The following ORC3 variants were observed in gnomAD, a reference collection of about 807,000 sequenced individuals.
The protein encoded by ORC3 is homolog of latheo, Drosophila.
A neutral mutation model predicts 100.7 loss-of-function variants in ORC3; 78 were observed. The ratio of observed to expected loss-of-function variants is 0.77; its 90% CI spans 0.65 to 0.94. The LOEUF is 0.94. Among genes scored for constraint, ORC3 ranks in the 40% least tolerant of loss-of-function variants. The probability of loss-of-function intolerance (pLI) is 0.00; values close to 1 mark genes in which losing one functional copy is unlikely to be tolerated. For synonymous variants in ORC3, 295 were observed against 289.3 expected (o/e 1.02, Z -0.20); for missense variants, 789 against 823.9 (o/e 0.96, Z 0.52).
At chr6:87,668,972 G>C (rs1770773788), downstream of ORC3, among the ~76,000 whole-genome samples, 1 of 151,826 alleles carries the variant, frequency 6.6e-6, no homozygotes, top group Non-Finnish European at 1.5e-5. Context: ...GACAGAGCGA[G>C]ACTCTGTATC....
chr6:87,621,906 T>C, intron 10 of ORC3, 44 bp from the exon 11 acceptor site: 1 of 1,314,208 alleles, frequency 7.6e-7, no homozygotes. Flanking sequence ...ATATGTTGAA[T>C]GTTTAATTTT....
intron 7 of ORC3, among the ~76,000 whole-genome samples, chr6:87,611,798 A>G (rs1443676507): frequency 6.6e-6 from 1 of 152,038 alleles, no homozygotes; most frequent in Non-Finnish European, 1.5e-5. Context: ...AAAAAAGAAA[A>G]AAGATGGTAT....
At chr6:87,646,132 G>A (rs921662915) in intron 13 of ORC3, among the ~76,000 whole-genome samples, 2 of 151,468 alleles carry the variant, frequency 1.3e-5, no homozygotes, top group Admixed American at 6.6e-5. Flanking sequence ...GACTACAGGC[G>A]CCTGCCACCA....
chr6:87,617,050 G>T (rs1419471032), intron 9 of ORC3, among the ~76,000 whole-genome samples: 3 of 152,204 alleles, frequency 2.0e-5, no homozygotes, highest in Non-Finnish European at 4.4e-5. Context: ...CACCCACCTT[G>T]GTTCCCAGAG....
chr6:87,633,318 C>A (rs1767571360), intron 11 of ORC3, among the ~76,000 whole-genome samples: 1 of 152,132 alleles, frequency 6.6e-6, no homozygotes, highest in African/African-American at 2.4e-5. Context: ...AAGAACTAAG[C>A]TAAAGTTTAG....
chr6:87,671,638 G>A (rs1259167970), downstream of ORC3, among the ~76,000 whole-genome samples: 1 of 152,142 alleles, frequency 6.6e-6, no homozygotes, highest in Non-Finnish European at 1.5e-5. Flanking sequence ...TGGGCCAACA[G>A]CAAGACAGAG....
At chr6:87,601,671 CAAAAAA>C in intron 2 of ORC3, 107 bp from the exon 3 acceptor site, 1 of 513,588 alleles carries the variant, frequency 1.9e-6, no homozygotes. Flanking sequence ...GACTCCATAT[CAAAAAA>C]AAAAAAAATT....
At chr6:87,649,716 A>G (rs1321517050) in intron 13 of ORC3, among the ~76,000 whole-genome samples, 1 of 152,216 alleles carries the variant, frequency 6.6e-6, no homozygotes, top group African/African-American at 2.4e-5. Context: ...ATTGCACTCC[A>G]GCCTGGGCAA....
intron 13 of ORC3, among the ~76,000 whole-genome samples, chr6:87,640,835 C>T (rs759513517): frequency 6.6e-6 from 1 of 152,126 alleles, no homozygotes. Context: ...TGTGGTGGCT[C>T]ATGCCTGTAA....
At chr6:87,665,594 A>C (rs1770532875) in intron 18 of ORC3, among the ~76,000 whole-genome samples, 160 bp from the exon 19 acceptor site, 1 of 152,230 alleles carries the variant, frequency 6.6e-6, no homozygotes. Flanking sequence ...CTTTTAATAT[A>C]TAAGTGGTTT....
chr6:87,625,999 T>C lies in ORC3; in HGVS notation c.1185+3986T>C, dbSNP rs1411815535. ...TTGTCAAAGATCAGATGGTTGTAGA[T>C]GTGTGGTGTTATTTCTGAGGCCTCT... is the stretch of plus-strand genomic sequence containing the variant. On this transcript the variant is annotated intron_variant, in intron 11 of 19. Coordinates refer to ENST00000392844, the MANE Select transcript of ORC3 (RefSeq NM_012381.4). Among the ~76,000 whole-genome samples the C allele has an allele frequency of 5.3e-5, 8 of 152,180 alleles. No individual in the cohort carries two copies. In the East Asian group the frequency reaches 1.3e-3, roughly 26 times the overall value.
chr6:87,642,188 T>C (rs542266934), intron 13 of ORC3, among the ~76,000 whole-genome samples: 4 of 152,108 alleles, frequency 2.6e-5, no homozygotes, highest in African/African-American at 9.7e-5. Context: ...CCAAGCTACT[T>C]GGAGGCTGAG....
chr6:87,625,128 C>T (rs1779802160), intron 11 of ORC3, among the ~76,000 whole-genome samples: 1 of 152,140 alleles, frequency 6.6e-6, no homozygotes, highest in African/African-American at 2.4e-5. Context: ...CAAGTCTTTG[C>T]TATTGTGAAT....
intron 19 of ORC3, among the ~76,000 whole-genome samples, chr6:87,666,435 C>G (rs796590775): frequency 3.1e-5 from 3 of 97,650 alleles, no homozygotes; most frequent in East Asian, 6.0e-4. Context: ...CGGCCTAATT[C>G]TTTTTTTTTT....
At chr6:87,648,995 A>C (rs1292416691) in intron 13 of ORC3, among the ~76,000 whole-genome samples, 2 of 152,148 alleles carry the variant, frequency 1.3e-5, no homozygotes, top group African/African-American at 4.8e-5. Flanking sequence ...ACCATGTACC[A>C]GTGTGTATTT....
intron 11 of ORC3, among the ~76,000 whole-genome samples, chr6:87,622,361 G>A (rs1779598293): frequency 6.6e-6 from 1 of 152,084 alleles, no homozygotes; most frequent in African/African-American, 2.4e-5. Flanking sequence ...TCTTTTTAAA[G>A]GCTGTGATAA....
chr6:87,652,145 G>A (rs1275205934), intron 13 of ORC3, among the ~76,000 whole-genome samples: 5 of 152,062 alleles, frequency 3.3e-5, no homozygotes, highest in African/African-American at 9.7e-5. Flanking sequence ...TGGTCCACCC[G>A]CCTCGGCCTC....
In ORC3 at chr6:87,636,466, A is replaced by G; in HGVS notation, c.1362A>G (p.Ala454=). 2 of 1,610,900 alleles carry G rather than the reference A, an allele frequency of 1.2e-6. No individual in the cohort carries two copies. The highest frequency in any genetic ancestry group is 1.7e-6 in the Non-Finnish European group (2 of 1,177,074). The part of the protein sequence containing the change: ...EKNIWDSEEY[A]SVLQLLRMLA... ...ACATATGGGATTCAGAGGAGTATGC[A>G]TCAGTCTTGCAGCTGCTGAGGTAGT... The change falls in exon 13 of 20, where the codon GCA becomes GCG. Residue 454 remains alanine, a synonymous_variant. Coordinates refer to ENST00000392844, the MANE Select transcript of ORC3 (RefSeq NM_012381.4).
chr6:87,628,097 T>G (rs1017765842), intron 11 of ORC3, among the ~76,000 whole-genome samples: 7 of 152,204 alleles, frequency 4.6e-5, no homozygotes, highest in African/African-American at 1.7e-4. Flanking sequence ...ATGTAAAAAT[T>G]TAGCTGACTA....
Sources: allele counts gnomAD v4.1 joint callset (sites outside exome capture counted in the v4.1 genomes callset), GRCh38; gene constraint gnomAD v4.1.1; transcripts MANE v1.5; gene names NCBI Gene and HGNC (gene_info 2026-07-23, HGNC 2026-07-21).